PRPF6: variants seen among roughly 807,000 people sequenced by gnomAD.
PRPF6 encodes pre-mRNA processing factor 6.
PRPF6 carries 42 observed loss-of-function variants against 118.3 expected under a neutral mutation model. The ratio of observed to expected loss-of-function variants is 0.35; its 90% CI spans 0.28 to 0.46. The LOEUF is 0.46. PRPF6 is among the 20% of genes least tolerant of loss of function. The pLI is 1.00. For synonymous variants in PRPF6, 481 were observed against 485.1 expected (o/e 0.99, Z 0.11); for missense variants, 662 against 1,255.7 (o/e 0.53, Z 7.15).
chr20:63,999,906 A>C, intron 8 of PRPF6, 147 bp downstream of exon 8: 1 of 1,071,366 alleles, frequency 9.3e-7, no homozygotes, highest in Non-Finnish European at 1.4e-6. Flanking sequence ...AAAAGCAGCC[A>C]AGGGCTTTTT....
rs2059296056 is a variant in PRPF6, at chr20:64,027,473, G to A, written c.2206-130G>A. ...GTACACCCACAAATGCAGAGTGTGA[G>A]GGGTGTTTTTCCATGGACATGGCAG... On this transcript the variant is annotated intron_variant, in intron 16 of 20. Coordinates refer to ENST00000266079, the MANE Select transcript of PRPF6 (RefSeq NM_012469.4). The surrounding 1 kb of genome is among the most constrained non-coding windows in gnomAD (Gnocchi z 6.5). 2.3e-6 allele frequency: 3 copies of A among 1,313,344 alleles called. No individual in the cohort carries two copies. The highest frequency in any genetic ancestry group is 1.7e-5 in the Admixed American group (1 of 59,560). The allele number at this position is 1,313,344 out of a possible 1,614,324, so 81.4% of individuals were successfully genotyped here.
intron 3 of PRPF6, among the ~76,000 whole-genome samples, chr20:63,991,821 CT>C (rs746854743): frequency 2.6e-5 from 4 of 151,932 alleles, no homozygotes; most frequent in South Asian, 4.2e-4. Context: ...CTTATTAAAA[CT>C]TTTTATTCTG....
intron 20 of PRPF6, 97 bp downstream of exon 20, chr20:64,032,141 G>T: frequency 6.3e-7 from 1 of 1,581,240 alleles, no homozygotes; most frequent in Non-Finnish European, 8.6e-7. Context: ...CACGGCCAGC[G>T]TGACTCTGCC....
At chr20:63,990,390 C>T (rs1308343190) in intron 3 of PRPF6, among the ~76,000 whole-genome samples, 5 of 152,002 alleles carry the variant, frequency 3.3e-5, no homozygotes, top group Non-Finnish European at 7.4e-5. Flanking sequence ...CTGGCCTGGA[C>T]ATCTTTTTAG....
Position 63,995,001 on chromosome 20 carries a change from G to T in PRPF6, c.524G>T (p.Arg175Leu), listed in dbSNP as rs1243113313. Residue 175 changes from arginine to leucine, a missense_variant, in exon 5 of 21, where the codon CGC becomes CTC. Coordinates refer to ENST00000266079, the MANE Select transcript of PRPF6 (RefSeq NM_012469.4). The stretch of plus-strand genomic sequence containing the variant: ...AGAAATAAACGTCAGCGGAACCCAC[G>T]CTATGAGAAGCTGACCCCTGTTCCT... The part of the protein sequence containing the change: ...DARNKRQRNP[R>L]YEKLTPVPDS... The T allele has an allele frequency of 6.2e-7, 1 of 1,614,184 alleles. No homozygotes were observed.
chr20:63,996,119 A>G (rs1039221876), intron 6 of PRPF6, among the ~76,000 whole-genome samples: 2 of 152,176 alleles, frequency 1.3e-5, no homozygotes, highest in South Asian at 2.1e-4. Flanking sequence ...CATATCAGAT[A>G]CCACGAAGGA....
intron 11 of PRPF6, among the ~76,000 whole-genome samples, 157 bp from the exon 12 acceptor site, chr20:64,016,566 G>C (rs548922990): frequency 6.6e-6 from 1 of 152,170 alleles, no homozygotes; most frequent in East Asian, 1.9e-4. Flanking sequence ...TCTGATTGGC[G>C]TGCAGTAGAC....
intron 14 of PRPF6, 77 bp from the exon 15 acceptor site, chr20:64,025,862 C>T (rs1388808610): frequency 6.2e-7 from 1 of 1,611,344 alleles, no homozygotes; most frequent in African/African-American, 1.3e-5. Flanking sequence ...TCCTGCCTGC[C>T]TGCTTTTGAT....
chr20:63,983,141 G>C lies in PRPF6; in HGVS notation c.166G>C (p.Val56Leu). The C allele has an allele frequency of 6.2e-7, 1 of 1,614,168 alleles. No individual in the cohort carries two copies. Among genetic ancestry groups the C allele is most frequent in the Non-Finnish European group, 8.5e-7 (1 of 1,180,034 alleles). ...CCATGCACCCCCAGGCAAGAGAACC[G>C]TTGGGGACCAGATGAAGAAAAATCA... ...DRHAPPGKRT[V>L]GDQMKKNQAA... Residue 56 changes from valine to leucine, a missense_variant, in exon 2 of 21, where the codon GTT (valine) becomes CTT (leucine). Around this residue, in one of 10 missense-constraint regions of PRPF6, gnomAD observed 21 missense variants for 45.5 expected, o/e 0.46. Transcript: ENST00000266079.
At chr20:64,009,543 T>A (rs1031862445) in intron 9 of PRPF6, among the ~76,000 whole-genome samples, 1 of 152,030 alleles carries the variant, frequency 6.6e-6, no homozygotes, top group Non-Finnish European at 1.5e-5. Flanking sequence ...GCCAATATGG[T>A]GAAACCCCGT....
chr20:64,021,318 A>G (rs1357683445), intron 12 of PRPF6, among the ~76,000 whole-genome samples: 56 of 144,298 alleles, frequency 3.9e-4, no homozygotes, highest in African/African-American at 1.5e-3. Flanking sequence ...GCATGTATGC[A>G]TATGCCTCAG....
intron 3 of PRPF6, among the ~76,000 whole-genome samples, 179 bp from the exon 4 acceptor site, chr20:63,993,228 G>A (rs6122225): frequency 4.2e-3 from 133 of 31,502 alleles, no homozygotes; most frequent in African/African-American, 0.015. Context: ...AAAAAAAAAT[G>A]TGTGTGTGTG....
chr20:63,988,998 C>G (rs1217893746), intron 3 of PRPF6, among the ~76,000 whole-genome samples: 2 of 152,078 alleles, frequency 1.3e-5, no homozygotes, highest in Non-Finnish European at 2.9e-5. Flanking sequence ...AATTATACTA[C>G]AGAGCTGTAG....
intron 12 of PRPF6, among the ~76,000 whole-genome samples, chr20:64,018,211 C>T (rs983229143): frequency 6.6e-6 from 1 of 152,164 alleles, no homozygotes; most frequent in Non-Finnish European, 1.5e-5. Context: ...GAAAAAGTCT[C>T]ACCCGTTGTC....
intron 19 of PRPF6, among the ~76,000 whole-genome samples, chr20:64,031,685 A>C (rs1311283912): frequency 1.7e-4 from 26 of 150,156 alleles, no homozygotes; most frequent in African/African-American, 6.5e-4. Flanking sequence ...AAAAAAAAAA[A>C]AAAAAACAAC....
At chr20:64,024,470 C>T in intron 13 of PRPF6, 85 bp from the exon 14 acceptor site, 1 of 1,538,376 alleles carries the variant, frequency 6.5e-7, no homozygotes, top group East Asian at 2.3e-5. Context: ...AACTGTCTTT[C>T]TGGCGTGCCC....
In PRPF6 at chr20:64,011,571, C is replaced by G; in HGVS notation, c.1524+68C>G. The stretch of plus-strand genomic sequence containing the variant: ...ACATGCAGCACGTGAGAGTCCCACG[C>G]AGGACTGGGGGTTGCTGGATGGTAC... On this transcript the variant is annotated intron_variant, in intron 11 of 20. Transcript: ENST00000266079. The surrounding 1 kb of genome is among the most constrained non-coding windows in gnomAD (Gnocchi z 6.7). The G allele has an allele frequency of 6.6e-7, 1 of 1,510,052 alleles. No individual in the cohort carries two copies. Among genetic ancestry groups the G allele is most frequent in the East Asian group, 2.4e-5 (1 of 41,024 alleles). 93.5% of individuals were successfully genotyped at this position (1,510,052 alleles called of 1,614,324 possible).
In PRPF6 at chr20:64,021,755, G is replaced by A. The variant is rs147953861; in HGVS notation, c.1648-1002G>A. On this transcript the variant is annotated intron_variant, in intron 12 of 20. Coordinates refer to ENST00000266079, the MANE Select transcript of PRPF6 (RefSeq NM_012469.4). ...TGTGCGTGTGTGTGTGTGCACGTAT[G>A]CATATGCCTCGGCCACAGCCCTGTG... is the stretch of plus-strand genomic sequence containing the variant. Among the ~76,000 whole-genome samples the A allele has an allele frequency of 7.4e-3, 1,095 of 147,848 alleles. 55 individuals are homozygous for A. The East Asian group carries it at 0.14, about 19-fold the overall frequency.
chr20:63,991,824 T>C (rs1357548545), intron 3 of PRPF6, among the ~76,000 whole-genome samples: 1 of 152,154 alleles, frequency 6.6e-6, no homozygotes, highest in East Asian at 1.9e-4. Flanking sequence ...ATTAAAACTT[T>C]TTATTCTGAA....
Sources: gnomAD v4.1 joint callset for allele counts (sites outside exome capture counted in the v4.1 genomes callset) on GRCh38, gnomAD v4.1.1 for gene constraint, gnomAD v4.1.1 regional missense constraint, Gnocchi (gnomAD v3.1) non-coding constraint, MANE v1.5 for transcripts, NCBI Gene and HGNC (gene_info 2026-07-23, HGNC 2026-07-21) for gene names.